The following HOMER2 variants were observed in gnomAD, a reference collection of about 807,000 sequenced individuals.
HOMER2 encodes homer scaffold protein 2, also known as homer protein homolog 2.
A neutral mutation model predicts 47.0 loss-of-function variants in HOMER2; 27 were observed. That is an observed-to-expected ratio of 0.57 (90% CI 0.42 to 0.79). The LOEUF (loss-of-function observed/expected upper bound fraction) is 0.79. Among genes scored for constraint, HOMER2 ranks in the 30% least tolerant of loss-of-function variants. The pLI is 0.00. For missense variants in HOMER2, 443 were observed against 435.0 expected (o/e 1.02, Z -0.16); for synonymous variants, 161 against 163.8 (o/e 0.98, Z 0.13).
intron 3 of HOMER2, among the ~76,000 whole-genome samples, chr15:82,874,639 T>C (rs912555433): frequency 6.6e-6 from 1 of 152,036 alleles, no homozygotes; most frequent in Non-Finnish European, 1.5e-5. Context: ...AAAAGTAACA[T>C]ACACACACCA....
rs186259210 is a variant in HOMER2 at position 82,936,875 on chromosome 15, A to T, written c.5+15656T>A. ...GCCAGCTCTCCTATTTCTATTAGAC[A>T]GAGCTGGTCTGGAAGGCAAGGGTGG... is the stretch of plus-strand genomic sequence containing the variant. On this transcript the variant is annotated intron_variant, in intron 1 of 8. Transcript: ENST00000450735. Among the ~76,000 whole-genome samples the T allele has an allele frequency of 7.9e-5, 12 of 152,272 alleles. No homozygotes were observed. In the East Asian group the frequency reaches 2.1e-3, roughly 27 times the overall value.
chr15:82,847,658 CTT>C (rs145163017), downstream of HOMER2, among the ~76,000 whole-genome samples: 466 of 152,356 alleles, frequency 3.1e-3, 1 homozygote, highest in African/African-American at 0.011. Context: ...TGAGCATTCT[CTT>C]GTCAGTCAAG....
chr15:82,865,768 G>A (rs530751639), intron 3 of HOMER2, among the ~76,000 whole-genome samples: 1 of 152,320 alleles, frequency 6.6e-6, no homozygotes, highest in Admixed American at 6.5e-5. Flanking sequence ...GGCTTCAAAG[G>A]GTGCAAGCCC....
chr15:82,978,761 G>A (rs1000621911), intron 1 of HOMER2, among the ~76,000 whole-genome samples: 5 of 152,004 alleles, frequency 3.3e-5, no homozygotes, highest in East Asian at 1.9e-4. Context: ...TCACTCTGTC[G>A]CCAGACTGAA....
chr15:82,984,606 C>T (rs2030524554), intron 1 of HOMER2, among the ~76,000 whole-genome samples: 1 of 152,138 alleles, frequency 6.6e-6, no homozygotes, highest in Non-Finnish European at 1.5e-5. Flanking sequence ...ACTGCTTGAG[C>T]CCAGAGTTCG....
At position 82,884,710 on chromosome 15, in the gene HOMER2, T is replaced by C; in HGVS notation, c.162+7975A>G. ...TGGCTCTCTGTCTGTTGTTGGTGTA[T>C]AAGAATGCTTGTGATTTTTGTACAT... is the stretch of plus-strand genomic sequence containing the variant. On this transcript the variant is annotated intron_variant, in intron 2 of 8. Coordinates refer to ENST00000450735, the MANE Select transcript of HOMER2 (RefSeq NM_004839.4). Among the ~76,000 whole-genome samples the C allele has an allele frequency of 2.6e-5, 2 of 78,214 alleles. 1 individual carries two copies. The highest frequency in any genetic ancestry group is 4.6e-5 in the Non-Finnish European group (2 of 43,590). The allele number at this position is 78,214 out of a possible 152,430, so 51.3% of individuals were successfully genotyped here.
chr15:82,873,404 C>T (rs542305287), intron 3 of HOMER2, among the ~76,000 whole-genome samples: 2 of 152,338 alleles, frequency 1.3e-5, no homozygotes, highest in South Asian at 4.1e-4. Flanking sequence ...GCAGAGAACT[C>T]ACTTCTCTGC....
upstream of HOMER2, chr15:82,952,859 G>A (rs1291682489): frequency 4.1e-5 from 11 of 268,408 alleles, no homozygotes; most frequent in Non-Finnish European, 6.3e-5. Flanking sequence ...GCGCAGCACT[G>A]TGTGCACCGT....
At chr15:82,847,489 C>T (rs77974106), downstream of HOMER2, among the ~76,000 whole-genome samples, 4,627 of 152,296 alleles carry the variant, frequency 0.03, 227 homozygotes, top group African/African-American at 0.11. Flanking sequence ...CCACACTCTT[C>T]AGTGCTTGGT....
chr15:82,902,965 C>T (rs1165609743), intron 1 of HOMER2, among the ~76,000 whole-genome samples: 4 of 152,170 alleles, frequency 2.6e-5, no homozygotes, highest in Admixed American at 1.3e-4. Context: ...TTGCTGTCCA[C>T]CTAAGAGTCT....
chr15:82,931,702 G>A (rs1480349223), intron 1 of HOMER2, among the ~76,000 whole-genome samples: 1 of 152,160 alleles, frequency 6.6e-6, no homozygotes, highest in Non-Finnish European at 1.5e-5. Context: ...GTTGGGTGTG[G>A]TGGCATGCAC....
downstream of HOMER2, chr15:82,844,723 C>A (rs141025885): frequency 8.2e-4 from 125 of 152,246 alleles, no homozygotes; most frequent in African/African-American, 2.9e-3. Context: ...AAACAGTACT[C>A]TTGGGAGAGT....
At chr15:82,983,746 C>T (rs1289916737) in intron 1 of HOMER2, among the ~76,000 whole-genome samples, 1 of 151,908 alleles carries the variant, frequency 6.6e-6, no homozygotes, top group Non-Finnish European at 1.5e-5. Flanking sequence ...CCCCTGACCA[C>T]GCCCGGCTAA....
upstream of HOMER2, among the ~76,000 whole-genome samples, chr15:82,953,946 GTCCCAGCTAC>G (rs1189755572): frequency 2.0e-5 from 3 of 151,882 alleles, no homozygotes; most frequent in Non-Finnish European, 4.4e-5. Flanking sequence ...TGCTCCTGTA[GTCCCAGCTAC>G]TCCCAGCTAC....
chr15:82,965,491 G>C (rs1017889526), intron 1 of HOMER2, among the ~76,000 whole-genome samples: 3 of 152,098 alleles, frequency 2.0e-5, no homozygotes, highest in African/African-American at 7.2e-5. Flanking sequence ...CTACCTCTGA[G>C]GTACTATTCT....
intron 1 of HOMER2, among the ~76,000 whole-genome samples, chr15:82,977,308 A>G (rs2030239456): frequency 6.6e-6 from 1 of 152,210 alleles, no homozygotes; most frequent in African/African-American, 2.4e-5. Flanking sequence ...AACATATGGA[A>G]CCCACCATGG....
At chr15:82,944,237 C>T (rs1394627854) in intron 1 of HOMER2, among the ~76,000 whole-genome samples, 2 of 152,140 alleles carry the variant, frequency 1.3e-5, no homozygotes, top group African/African-American at 4.8e-5. Context: ...CCCATCCTGC[C>T]GTTCTTCCCA....
chr15:82,900,771 T>C (rs1189052800), intron 1 of HOMER2, among the ~76,000 whole-genome samples: 4 of 152,180 alleles, frequency 2.6e-5, no homozygotes, highest in Admixed American at 2.6e-4. Flanking sequence ...CAGATGTCTG[T>C]CTCCTTGCCT....
intron 1 of HOMER2, among the ~76,000 whole-genome samples, chr15:82,962,951 G>A (rs1448807696): frequency 6.6e-6 from 1 of 152,140 alleles, no homozygotes; most frequent in Non-Finnish European, 1.5e-5. Context: ...TGCCCAGAGG[G>A]GCTAAAAGCC....
Sources: allele counts gnomAD v4.1 joint callset (sites outside exome capture counted in the v4.1 genomes callset), GRCh38; gene constraint gnomAD v4.1.1; transcripts MANE v1.5; gene names NCBI Gene and HGNC (gene_info 2026-07-23, HGNC 2026-07-21).